PLXDC2: variants seen among roughly 807,000 people sequenced by gnomAD.
PLXDC2 encodes plexin domain containing 2.
A neutral mutation model predicts 68.9 loss-of-function variants in PLXDC2; 40 were observed. The observed-to-expected ratio is 0.58, with a 90% confidence interval of 0.45 to 0.76. The LOEUF (loss-of-function observed/expected upper bound fraction) is 0.76. PLXDC2 is among the 30% of genes least tolerant of loss of function. The pLI is 0.00. For missense variants in PLXDC2, 644 were observed against 661.9 expected (o/e 0.97, Z 0.30); for synonymous variants, 243 against 234.2 (o/e 1.04, Z -0.34).
intron 2 of PLXDC2, among the ~76,000 whole-genome samples, chr10:20,020,800 G>T (rs960843869): frequency 6.6e-6 from 1 of 152,098 alleles, no homozygotes; most frequent in Non-Finnish European, 1.5e-5. Context: ...TCAATTAGCA[G>T]TCCTTTTTTT....
chr10:20,048,268 T>C (rs1315794359), intron 3 of PLXDC2, among the ~76,000 whole-genome samples: 1 of 152,124 alleles, frequency 6.6e-6, no homozygotes, highest in East Asian at 1.9e-4. Context: ...AAATTAAGAA[T>C]AGTATACCAT....
At chr10:20,014,382 G>GCTTC (rs539488828) in intron 2 of PLXDC2, among the ~76,000 whole-genome samples, 7,063 of 78,950 alleles carry the variant, frequency 0.089, 428 homozygotes, top group African/African-American at 0.13. Flanking sequence ...TTCCTTCCTT[G>GCTTC]CTTCCTTCCT....
At chr10:19,947,456 G>A (rs988807412) in intron 1 of PLXDC2, among the ~76,000 whole-genome samples, 1 of 152,140 alleles carries the variant, frequency 6.6e-6, no homozygotes, top group Non-Finnish European at 1.5e-5. Context: ...CATTTTCTAG[G>A]ACTTGGATTC....
intron 1 of PLXDC2, among the ~76,000 whole-genome samples, chr10:19,865,176 T>C (rs10508598): frequency 0.18 from 27,737 of 152,138 alleles, 2,796 homozygotes; most frequent in South Asian, 0.27. Context: ...AAAGTAGATT[T>C]GTGTAAGACC....
At chr10:19,971,823 A>C (rs1255823670) in intron 1 of PLXDC2, among the ~76,000 whole-genome samples, 1 of 152,146 alleles carries the variant, frequency 6.6e-6, no homozygotes, top group South Asian at 2.1e-4. Context: ...CCAAGAAGGA[A>C]TGGAAGATGT....
chr10:19,910,440 G>A (rs1488193032), intron 1 of PLXDC2, among the ~76,000 whole-genome samples: 1 of 151,746 alleles, frequency 6.6e-6, no homozygotes, highest in Non-Finnish European at 1.5e-5. Flanking sequence ...ATCCGGGCGG[G>A]GAAAATGAGT....
chr10:20,251,029 T>C (rs1443899799), intron 13 of PLXDC2, among the ~76,000 whole-genome samples: 1 of 152,216 alleles, frequency 6.6e-6, no homozygotes, highest in African/African-American at 2.4e-5. Context: ...AAGCAAATCA[T>C]CACTCCATAA....
At chr10:20,023,846 G>A (rs1206183577) in intron 2 of PLXDC2, among the ~76,000 whole-genome samples, 2 of 151,978 alleles carry the variant, frequency 1.3e-5, no homozygotes, top group Non-Finnish European at 2.9e-5. Context: ...ATTTAAGATG[G>A]CATATGATCA....
At chr10:20,037,933 A>C (rs535690231) in intron 2 of PLXDC2, among the ~76,000 whole-genome samples, 1 of 152,268 alleles carries the variant, frequency 6.6e-6, no homozygotes, top group East Asian at 1.9e-4. Flanking sequence ...CCACTCTACT[A>C]ATCTAACGTT....
chr10:20,190,890 G>C (rs887757612), intron 9 of PLXDC2, among the ~76,000 whole-genome samples: 1 of 151,762 alleles, frequency 6.6e-6, no homozygotes, highest in Non-Finnish European at 1.5e-5. Flanking sequence ...CCAGAAAATC[G>C]AAATATGACT....
At chr10:20,179,818 A>T (rs2131828565) in intron 9 of PLXDC2, among the ~76,000 whole-genome samples, 1 of 152,202 alleles carries the variant, frequency 6.6e-6, no homozygotes, top group South Asian at 2.1e-4. Flanking sequence ...ACATTTTCAC[A>T]GTGAAGGAAA....
chr10:20,272,997 T>C (rs1380097962), intron 13 of PLXDC2, among the ~76,000 whole-genome samples: 2 of 152,238 alleles, frequency 1.3e-5, no homozygotes, highest in African/African-American at 2.4e-5. Flanking sequence ...CCATTGCATT[T>C]GTTTTGGGCA....
intron 1 of PLXDC2, among the ~76,000 whole-genome samples, chr10:19,897,459 G>C (rs1480202116): frequency 6.6e-6 from 1 of 151,900 alleles, no homozygotes; most frequent in Non-Finnish European, 1.5e-5. Context: ...TAGTCAGGCT[G>C]GTCTCGAACT....
At chr10:20,108,313 A>G (rs978464037) in intron 4 of PLXDC2, among the ~76,000 whole-genome samples, 5 of 152,190 alleles carry the variant, frequency 3.3e-5, no homozygotes, top group African/African-American at 1.2e-4. Context: ...ATTACCACAT[A>G]CCAATTTTCC....
At chr10:20,103,740 C>G (rs1238474319) in intron 4 of PLXDC2, among the ~76,000 whole-genome samples, 1 of 150,432 alleles carries the variant, frequency 6.6e-6, no homozygotes, top group Non-Finnish European at 1.5e-5. Context: ...CTCCTGGGTT[C>G]AAGCAATTCT....
intron 1 of PLXDC2, among the ~76,000 whole-genome samples, chr10:19,951,397 G>A: frequency 6.6e-6 from 1 of 151,632 alleles, no homozygotes; most frequent in Non-Finnish European, 1.5e-5. Flanking sequence ...ACAAACATAT[G>A]AAAAAAAATG....
intron 1 of PLXDC2, among the ~76,000 whole-genome samples, chr10:19,849,170 A>T (rs1837068505): frequency 6.6e-6 from 1 of 152,226 alleles, no homozygotes; most frequent in Admixed American, 6.5e-5. Flanking sequence ...ATTACAAAAG[A>T]AACAAGTTTA....
At chr10:19,933,172 A>C (rs1471599037) in intron 1 of PLXDC2, among the ~76,000 whole-genome samples, 2 of 151,876 alleles carry the variant, frequency 1.3e-5, no homozygotes, top group Non-Finnish European at 2.9e-5. Flanking sequence ...CAAAGGTTCT[A>C]CGTCAGCAAA....
At chr10:20,081,795 C>T (rs1468334530) in intron 4 of PLXDC2, among the ~76,000 whole-genome samples, 1 of 151,210 alleles carries the variant, frequency 6.6e-6, no homozygotes, top group Non-Finnish European at 1.5e-5. Context: ...AATCCCAGCA[C>T]TTTGGGAGGT....
Sources: allele counts gnomAD v4.1 joint callset (sites outside exome capture counted in the v4.1 genomes callset), GRCh38; gene constraint gnomAD v4.1.1; transcripts MANE v1.5; gene names NCBI Gene and HGNC (gene_info 2026-07-23, HGNC 2026-07-21).